The following MYO1H variants were observed in gnomAD, a reference collection of about 807,000 sequenced individuals.
MYO1H encodes myosin IH.
In MYO1H, 118 loss-of-function variants were observed where a neutral mutation model predicts 149.3. The ratio of observed to expected loss-of-function variants is 0.79; its 90% confidence interval spans 0.68 to 0.92. The LOEUF is 0.92. Ranked by LOEUF, MYO1H falls within the 40% of genes least tolerant of loss-of-function variation. MYO1H has a pLI of 0.00. For missense variants in MYO1H, 1,212 were observed against 1,280.7 expected (o/e 0.95, Z 0.82); for synonymous variants, 447 against 465.2 (o/e 0.96, Z 0.50).
At chr12:109,365,104 C>T (rs1258531897) in intron 1 of MYO1H, among the ~76,000 whole-genome samples, 1 of 152,070 alleles carries the variant, frequency 6.6e-6, no homozygotes, top group Non-Finnish European at 1.5e-5. Flanking sequence ...GACATTGTCT[C>T]TACAAAAAAT....
chr12:109,347,552 C>T (rs1231223441), upstream of MYO1H, among the ~76,000 whole-genome samples: 2 of 152,000 alleles, frequency 1.3e-5, no homozygotes, highest in Non-Finnish European at 2.9e-5. Context: ...GGAGCTGGAT[C>T]CTAGGCTAAG....
At chr12:109,417,095 G>A (rs113179636) in intron 15 of MYO1H, among the ~76,000 whole-genome samples, 7,917 of 151,558 alleles carry the variant, frequency 0.052, 271 homozygotes, top group Non-Finnish European at 0.07. Flanking sequence ...TGCTTGAACC[G>A]GGGAGGCAGA....
At chr12:109,424,964 C>G (rs1285910860) in intron 17 of MYO1H, 136 bp downstream of exon 17, 2 of 672,108 alleles carry the variant, frequency 3.0e-6, no homozygotes, top group African/African-American at 3.6e-5. Flanking sequence ...AATATATGCA[C>G]CTGTAATCTC....
At chr12:109,439,489 G>A (rs1254749592) in intron 23 of MYO1H, 142 bp from the exon 24 acceptor site, 2 of 265,828 alleles carry the variant, frequency 7.5e-6, no homozygotes, top group African/African-American at 4.4e-5. Flanking sequence ...CATATATGTG[G>A]GGCAGATTTG....
At chr12:109,411,861 C>A in intron 13 of MYO1H, 33 bp from the exon 14 acceptor site, 1 of 1,478,106 alleles carries the variant, frequency 6.8e-7, no homozygotes. Flanking sequence ...GAGTGTGGTG[C>A]TGTGGATTGA....
At chr12:109,353,261 G>T (rs1868501981) in intron 1 of MYO1H, among the ~76,000 whole-genome samples, 1 of 151,892 alleles carries the variant, frequency 6.6e-6, no homozygotes, top group African/African-American at 2.4e-5. Flanking sequence ...GGGTATGGTG[G>T]TACACACCTG....
chr12:109,421,051 G>A (rs1871156115), intron 16 of MYO1H, 24 bp downstream of exon 16: 1 of 1,464,004 alleles, frequency 6.8e-7, no homozygotes, highest in Non-Finnish European at 9.4e-7. Context: ...TTAACTGTAT[G>A]TGTTTCTGAT....
chr12:109,315,975 T>G, the MYO1H span, among the ~76,000 whole-genome samples: 2 of 152,212 alleles, frequency 1.3e-5, no homozygotes, highest in Non-Finnish European at 2.9e-5. Flanking sequence ...TGTTTGGTGC[T>G]TTTGCTTTCT....
chr12:109,359,499 T>C (rs1264729636), intron 1 of MYO1H: 1 of 152,130 alleles, frequency 6.6e-6, no homozygotes, highest in Non-Finnish European at 1.5e-5. Context: ...AGCCTGCCTG[T>C]TGTGTCTCGC....
chr12:109,371,349 T>C (rs1220298209), intron 1 of MYO1H, among the ~76,000 whole-genome samples: 3 of 151,884 alleles, frequency 2.0e-5, no homozygotes, highest in African/African-American at 7.3e-5. Context: ...CCTAAGTAGC[T>C]GGGACTTCAG....
intron 30 of MYO1H, among the ~76,000 whole-genome samples, chr12:109,445,249 T>C (rs1001987146): frequency 1.3e-5 from 2 of 152,220 alleles, no homozygotes; most frequent in African/African-American, 4.8e-5. Context: ...CAGTGTGATA[T>C]GGAAGTAGTT....
intron 1 of MYO1H, among the ~76,000 whole-genome samples, chr12:109,363,475 G>T (rs546281663): frequency 6.6e-6 from 1 of 152,322 alleles, no homozygotes; most frequent in African/African-American, 2.4e-5. Context: ...CACTTTGGGA[G>T]GCCGAGACGA....
At chr12:109,422,927 A>T (rs1871234748) in intron 16 of MYO1H, among the ~76,000 whole-genome samples, 1 of 151,972 alleles carries the variant, frequency 6.6e-6, no homozygotes. Flanking sequence ...AAATTAAATT[A>T]AAAAATTAGC....
rs570164844 is a variant in MYO1H at position 109,360,380 on chromosome 12, C to T, written c.12+12408C>T. Among the ~76,000 whole-genome samples the T allele has an allele frequency of 5.3e-5, 8 of 152,236 alleles. No individual in the cohort carries two copies. In the South Asian group the frequency reaches 1.2e-3, roughly 24 times the overall value. ...AGAGATGTGAACTTCAGAGTTTCAACGATGCTTTGTTGCCAATTAGGCGAC... is the reference window on the plus strand; with the variant it reads ...AGAGATGTGAACTTCAGAGTTTCAATGATGCTTTGTTGCCAATTAGGCGAC... On this transcript the variant is annotated intron_variant, in intron 1 of 31. Coordinates refer to ENST00000310903, the Ensembl canonical transcript of MYO1H.
rs565537902 is a variant in MYO1H at position 109,394,590 on chromosome 12, A to G, written c.290+1144A>G. ...TAATAGTTATTTAACATTCAAAACA[A>G]TGACTACCAAAAAAAAAAAAGGAAA... On this transcript the variant is annotated intron_variant, in intron 3 of 31. Transcript: ENST00000310903. Among the ~76,000 whole-genome samples, 29 of 143,052 alleles carry G rather than the reference A, an allele frequency of 2.0e-4. No homozygotes were observed. In the East Asian group the frequency reaches 5.6e-3, roughly 28 times the overall value. The allele number at this position is 143,052 out of a possible 152,430, so 93.8% of individuals were successfully genotyped here. A position where few individuals can be genotyped will look rare whatever the true frequency, so the allele number is the denominator to read the frequency against.
intron 15 of MYO1H, among the ~76,000 whole-genome samples, chr12:109,418,707 C>A (rs1871038905): frequency 6.6e-6 from 1 of 152,060 alleles, no homozygotes; most frequent in African/African-American, 2.4e-5. Context: ...CCACGCCCGG[C>A]TAGTTTTTTG....
chr12:109,376,423 C>G (rs80186257), intron 1 of MYO1H, among the ~76,000 whole-genome samples: 5,597 of 152,256 alleles, frequency 0.037, 115 homozygotes, highest in Middle Eastern at 0.054. Context: ...TGTATCAGTA[C>G]TCCTTTCTTT....
intron 22 of MYO1H, among the ~76,000 whole-genome samples, chr12:109,438,133 T>TTA (rs1190532695): frequency 6.7e-6 from 1 of 150,080 alleles, no homozygotes; most frequent in African/African-American, 2.5e-5. Context: ...GAACCTAAGT[T>TTA]TTATATGCCC....
At chr12:109,328,443 A>G in the MYO1H span, among the ~76,000 whole-genome samples, 5 of 152,054 alleles carry the variant, frequency 3.3e-5, no homozygotes, top group Non-Finnish European at 7.4e-5. Flanking sequence ...CGGTCCTCCC[A>G]CCTCAGCCTC....
Sources: gnomAD v4.1 joint callset for allele counts (sites outside exome capture counted in the v4.1 genomes callset) on GRCh38, gnomAD v4.1.1 for gene constraint, MANE v1.5 for transcripts, NCBI Gene and HGNC (gene_info 2026-07-23, HGNC 2026-07-21) for gene names.